ATP23: variants seen among roughly 807,000 people sequenced by gnomAD.
ATP23 encodes the protein mitochondrial inner membrane protease ATP23 homolog.
Under a neutral mutation model 28.5 loss-of-function variants are expected in ATP23, and 24 were observed. That is an observed-to-expected ratio of 0.84 (90% CI 0.61 to 1.18). ATP23 has a LOEUF of 1.18. ATP23 is among the 50% of genes most tolerant of loss of function. The probability of loss-of-function intolerance (pLI) is 0.00; values close to 1 mark genes in which losing one functional copy is unlikely to be tolerated. For synonymous variants in ATP23, 99 were observed against 108.6 expected, an observed-to-expected ratio of 0.91 and a Z score of 0.55; for missense variants, 274 against 306.4, an observed-to-expected ratio of 0.89 and a Z score of 0.79.
chr12:57,951,593 G>A (rs537954802), intron 3 of ATP23, among the ~76,000 whole-genome samples, 165 bp from the exon 4 acceptor site: 15 of 152,340 alleles, frequency 9.8e-5, no homozygotes, highest in Non-Finnish European at 1.9e-4. Flanking sequence ...CTTAGGACTA[G>A]GACTTGTCCC....
chr12:57,952,015 GT>G, intron 4 of ATP23, 120 bp downstream of exon 4: 1 of 1,278,740 alleles, frequency 7.8e-7, no homozygotes, highest in South Asian at 1.5e-5. Flanking sequence ...TTGAATTTCG[GT>G]TTATAACTAA....
At chr12:57,954,005 C>T (rs865809916) in intron 5 of ATP23, among the ~76,000 whole-genome samples, 28 of 151,870 alleles carry the variant, frequency 1.8e-4, no homozygotes, top group African/African-American at 5.6e-4. Context: ...CCAGCGTGGC[C>T]AACATGGTGA....
intron 1 of ATP23, among the ~76,000 whole-genome samples, chr12:57,942,153 G>A (rs1956711585): frequency 6.6e-6 from 1 of 152,144 alleles, no homozygotes; most frequent in African/African-American, 2.4e-5. Flanking sequence ...CAGATCCTCC[G>A]ATTTCTTACA....
intron 1 of ATP23, among the ~76,000 whole-genome samples, chr12:57,942,807 G>A (rs977883858): frequency 1.3e-5 from 2 of 152,124 alleles, no homozygotes; most frequent in African/African-American, 4.8e-5. Context: ...CAAAGGTTAA[G>A]AACTGCTGTG....
chr12:57,942,968 G>C (rs1428151250), intron 1 of ATP23, among the ~76,000 whole-genome samples: 1 of 152,072 alleles, frequency 6.6e-6, no homozygotes, highest in Non-Finnish European at 1.5e-5. Context: ...AAACATACTT[G>C]TCCCAAAGCA....
intron 3 of ATP23, 141 bp from the exon 4 acceptor site, chr12:57,951,617 T>C (rs2140536476): frequency 2.3e-6 from 2 of 882,062 alleles, no homozygotes; most frequent in Non-Finnish European, 3.6e-6. Context: ...GGTAGATGTG[T>C]GGCCAATGAA....
rs573053979 is a variant in ATP23, at chr12:57,957,464, C to T, written c.*574C>T. ...CAGTGCTCGAATTTTAGCTCCAGAT[C>T]GACTGCAAGAACAAACCAGCAATAC... On this transcript the variant is annotated 3_prime_UTR_variant, in exon 6 of 6. Transcript: ENST00000300145. Among the ~76,000 whole-genome samples the T allele has an allele frequency of 4.6e-5, 7 of 152,176 alleles. No individual in the cohort carries two copies. Among genetic ancestry groups the T allele is most frequent in the South Asian group, 2.1e-4 (1 of 4,818 alleles).
At position 57,941,812 on chromosome 12, in the gene ATP23, C is replaced by T. The variant is rs1328635160; in HGVS notation, c.111C>T (p.Pro37=). The T allele has an allele frequency of 6.2e-7, 1 of 1,612,454 alleles. No individual in the cohort carries two copies. Among genetic ancestry groups the T allele is most frequent in the Admixed American group, 1.7e-5 (1 of 59,716 alleles). ...CCGAGCGTCTGGCCCAGGGGAATCCCCAGCAAGGGTTCTTCTCCAGCTTCT... is the reference window on the plus strand; with the variant it reads ...CCGAGCGTCTGGCCCAGGGGAATCCTCAGCAAGGGTTCTTCTCCAGCTTCT... ...VFPERLAQGN[P]QQGFFSSFFT... Residue 37 remains proline, a synonymous_variant, in exon 1 of 6, where the codon CCC becomes CCT. Coordinates refer to ENST00000300145, the MANE Select transcript of ATP23 (RefSeq NM_033276.4).
rs762266976 is a variant in ATP23, at chr12:57,946,995, T to G, written c.234T>G (p.Cys78Trp). The part of the protein sequence containing the change: ...LLLDAMKHSG[C>W]AVNKDRHFSC... ...ATTGTCTCCTTTTCTTGCCTTTTAG[T>G]GCTGTTAACAAAGATAGACACTTTT... The change falls in exon 3 of 6, where the codon TGT (cysteine) becomes TGG (tryptophan). Residue 78 changes from cysteine (C) to tryptophan (W), a missense_variant and splice_region_variant. Cys to Trp is a radical substitution (Grantham distance 215). Transcript: ENST00000300145. 6.2e-7 allele frequency: 1 copy of G among 1,613,732 alleles called. No homozygotes were observed. Among genetic ancestry groups the G allele is most frequent in the Non-Finnish European group, 8.5e-7 (1 of 1,179,874 alleles).
chr12:57,942,048 T>C (rs1035892789), intron 1 of ATP23, among the ~76,000 whole-genome samples, 160 bp downstream of exon 1: 1 of 152,228 alleles, frequency 6.6e-6, no homozygotes, highest in Non-Finnish European at 1.5e-5. Context: ...TGAGGCTCAG[T>C]TTCCCCACTA....
rs376510801 is a variant in ATP23 at position 57,947,083 on chromosome 12, A to G, written c.315+7A>G. 7.4e-6 allele frequency: 12 copies of G among 1,612,946 alleles called. No homozygotes were observed. The highest frequency in any genetic ancestry group is 1.7e-6 in the Non-Finnish European group (2 of 1,179,420). The stretch of plus-strand genomic sequence containing the variant: ...TGATGCTTCAACATCTCAGGTAGGC[A>G]TTATTGCCAAATTGTTTCCTTCCCT... On this transcript the variant is annotated splice_region_variant and intron_variant, in intron 3 of 5. Coordinates refer to ENST00000300145, the MANE Select transcript of ATP23 (RefSeq NM_033276.4).
At chr12:57,941,976 G>T in intron 1 of ATP23, 88 bp downstream of exon 1, 3 of 1,505,164 alleles carry the variant, frequency 2.0e-6, no homozygotes, top group Non-Finnish European at 2.7e-6. Context: ...ACCTGGCCAG[G>T]GGCTTCAGGT....
chr12:57,951,954 T>C (rs181425550), intron 4 of ATP23, 59 bp downstream of exon 4: 81 of 1,587,720 alleles, frequency 5.1e-5, no homozygotes, highest in Non-Finnish European at 3.9e-5. Flanking sequence ...TATTCAAGTG[T>C]AATTTATTTA....
Position 57,959,010 on chromosome 12 carries a change from A to AAT in ATP23, c.*2123_*2124dup, listed in dbSNP as rs1248894543. ...AAATGATATAAGAAGTGAAGGGAGAAATATTCAAGGAAATGGAGAGCTTAA... is the reference window on the plus strand; with the variant it reads ...AAATGATATAAGAAGTGAAGGGAGAAATATATTCAAGGAAATGGAGAGCTTAA... On this transcript the variant is annotated 3_prime_UTR_variant, in exon 6 of 6. Coordinates refer to ENST00000300145, the MANE Select transcript of ATP23 (RefSeq NM_033276.4). Among the ~76,000 whole-genome samples, 8 of 152,184 alleles carry AAT rather than the reference A, an allele frequency of 5.3e-5. No individual in the cohort carries two copies. Among genetic ancestry groups the AAT allele is most frequent in the African/African-American group, 1.9e-4 (8 of 41,458 alleles).
Position 57,956,881 on chromosome 12 carries a change from A to G in ATP23, c.732A>G (p.Ser244=), listed in dbSNP as rs377625667. The stretch of plus-strand genomic sequence containing the variant: ...TTGAAAACCGTGATCGGTATTATTC[A>G]AATATATGAGCACAATGACATTTTT... The part of the protein sequence containing the change: ...RDFENRDRYY[S]NI The change falls in exon 6 of 6, where the codon TCA becomes TCG. Residue 244 remains serine, a synonymous_variant. Coordinates refer to ENST00000300145, the MANE Select transcript of ATP23 (RefSeq NM_033276.4). The G allele has an allele frequency of 6.2e-6, 10 of 1,603,924 alleles. No homozygotes were observed. The highest frequency in any genetic ancestry group is 1.7e-5 in the Admixed American group (1 of 57,444).
chr12:57,953,063 A>G (rs182139810), intron 4 of ATP23, among the ~76,000 whole-genome samples: 28 of 152,338 alleles, frequency 1.8e-4, no homozygotes, highest in Non-Finnish European at 3.5e-4. Flanking sequence ...TCAAGTCCCT[A>G]GAGGAAGGTC....
rs1956884396 is a variant in ATP23 at position 57,957,986 on chromosome 12, C to A, written c.*1096C>A. ...CAGCTGGGAGGTGGGTAGCCTGGGG[C>A]AAGTTTTCAAGCCTGTCTCACCCAC... On this transcript the variant is annotated 3_prime_UTR_variant, in exon 6 of 6. Transcript: ENST00000300145. Among the ~76,000 whole-genome samples, 1 of 152,124 alleles carries A rather than the reference C, an allele frequency of 6.6e-6. No individual in the cohort carries two copies. Among genetic ancestry groups the A allele is most frequent in the Admixed American group, 6.5e-5 (1 of 15,270 alleles).
At chr12:57,955,873 CG>C (rs1435070181) in intron 5 of ATP23, among the ~76,000 whole-genome samples, 1 of 152,104 alleles carries the variant, frequency 6.6e-6, no homozygotes, top group African/African-American at 2.4e-5. Flanking sequence ...GTGGAGAAAA[CG>C]GATGGCTGTC....
At chr12:57,943,981 C>CTTTTTT (rs766959594) in intron 1 of ATP23, among the ~76,000 whole-genome samples, 1 of 95,030 alleles carries the variant, frequency 1.1e-5, no homozygotes, top group Admixed American at 1.1e-4. Context: ...ATGGGAGTCT[C>CTTTTTT]TTTTTTTTTT....
Sources: gnomAD v4.1 joint callset for allele counts (sites outside exome capture counted in the v4.1 genomes callset) on GRCh38, gnomAD v4.1.1 for gene constraint, MANE v1.5 for transcripts, NCBI Gene and HGNC (gene_info 2026-07-23, HGNC 2026-07-21) for gene names.